SP3: variants seen among roughly 807,000 people sequenced by gnomAD.
The protein encoded by SP3 is Sp3 transcription factor.
In SP3, 10 loss-of-function variants were observed where a neutral mutation model predicts 70.3. The observed-to-expected ratio is 0.14, with a 90% CI of 0.09 to 0.24. The LOEUF is 0.24. SP3 is among the 10% of genes least tolerant of loss of function. The probability of loss-of-function intolerance (pLI) is 1.00; values close to 1 mark genes in which losing one functional copy is unlikely to be tolerated. For synonymous variants in SP3, 402 were observed against 333.5 expected, an observed-to-expected ratio of 1.21 and a Z score of -2.24; for missense variants, 825 against 914.6, an observed-to-expected ratio of 0.90 and a Z score of 1.26.
intron 4 of SP3, among the ~76,000 whole-genome samples, chr2:173,950,071 A>G (rs988781615): frequency 8.5e-5 from 13 of 152,118 alleles, no homozygotes; most frequent in African/African-American, 3.1e-4. Context: ...AACAGCATGC[A>G]TTTCTCAGTG....
rs138609504 is a variant in SP3 at position 173,946,291 on chromosome 2, A to G, written c.1639+8582T>C. 2.2e-3 allele frequency among the ~76,000 whole-genome samples: 329 copies of G among 151,882 alleles called. 2 individuals are homozygous for G. Among genetic ancestry groups the G allele is most frequent in the Middle Eastern group, 0.02 (6 of 294 alleles). On this transcript the variant is annotated intron_variant, in intron 4 of 6. Transcript: ENST00000310015. ...TTTGTGTACTTTTGAAATTTTTTAT[A>G]TTTCTAAGTTACCAATATTACTGAT...
intron 4 of SP3, among the ~76,000 whole-genome samples, chr2:173,953,251 G>A (rs1690771004): frequency 6.6e-6 from 1 of 152,222 alleles, no homozygotes; most frequent in Non-Finnish European, 1.5e-5. Context: ...TAAGACACAA[G>A]CAGTTTTATC....
chr2:173,963,617 G>C (rs925552560), intron 3 of SP3, 144 bp downstream of exon 3: 1 of 167,824 alleles, frequency 6.0e-6, no homozygotes, highest in African/African-American at 2.4e-5. Context: ...ATGCGAAAGA[G>C]CAGGAAAGGG....
At chr2:173,964,237 G>A (rs1297266124) in intron 2 of SP3, 168 bp downstream of exon 2, 3 of 499,482 alleles carry the variant, frequency 6.0e-6, no homozygotes, top group African/African-American at 4.1e-5. Flanking sequence ...GCGCGGGCGG[G>A]GTCGGAGCGT....
intron 4 of SP3, among the ~76,000 whole-genome samples, chr2:173,922,358 G>A (rs141951681): frequency 4.5e-4 from 69 of 151,776 alleles, no homozygotes; most frequent in Middle Eastern, 6.8e-3. Context: ...ATGGTAAACT[G>A]AAGGTAGAAA....
In SP3 at chr2:173,903,465, A is replaced by C. The variant is rs1490581028; in HGVS notation, c.*6476T>G. ...TTATGCTATGAAAGGTTTCAACTTTACTAAATGAATAAAGATGGAAAAAAA... is the reference window on the plus strand; with the variant it reads ...TTATGCTATGAAAGGTTTCAACTTTCCTAAATGAATAAAGATGGAAAAAAA... On this transcript the variant is annotated 3_prime_UTR_variant, in exon 7 of 7. Coordinates refer to ENST00000310015, the MANE Select transcript of SP3 (RefSeq NM_003111.5). Among the ~76,000 whole-genome samples the C allele has an allele frequency of 3.3e-5, 5 of 152,252 alleles. No individual in the cohort carries two copies. The highest frequency in any genetic ancestry group is 7.3e-5 in the Non-Finnish European group (5 of 68,050).
Position 173,955,057 on chromosome 2 carries a change from T to C in SP3, c.1455A>G (p.Gln485=), listed in dbSNP as rs753784288. ...TTTGAACAGGCGTCAAAGTTATTTG[T>C]TGGGCAGCAGTATTCTGTATTTGCA... ...QNLQIQNTAA[Q]QITLTPVQTL... The change falls in exon 4 of 7, where the codon CAA becomes CAG. Residue 485 remains glutamine, a synonymous_variant. Transcript: ENST00000310015. 4.3e-6 allele frequency: 7 copies of C among 1,614,220 alleles called. No homozygotes were observed. The highest frequency in any genetic ancestry group is 3.3e-5 in the South Asian group (3 of 91,080).
In SP3 at chr2:173,905,762, G is replaced by T. The variant is rs1472434223; in HGVS notation, c.*4179C>A. On this transcript the variant is annotated 3_prime_UTR_variant, in exon 7 of 7. Coordinates refer to ENST00000310015, the MANE Select transcript of SP3 (RefSeq NM_003111.5). ...GCCTATAATCCCAACACTTTGGGAG[G>T]CAGAGGTGGAAGGATCACTTGAGCC... Among the ~76,000 whole-genome samples the T allele has an allele frequency of 6.6e-6, 1 of 152,152 alleles. No individual in the cohort carries two copies. Among genetic ancestry groups the T allele is most frequent in the Non-Finnish European group, 1.5e-5 (1 of 68,032 alleles).
intron 3 of SP3, among the ~76,000 whole-genome samples, chr2:173,956,754 T>C (rs1476470350): frequency 6.6e-6 from 1 of 152,156 alleles, no homozygotes; most frequent in Non-Finnish European, 1.5e-5. Context: ...CAAACTCTAC[T>C]TTTTCCATGA....
chr2:173,963,452 G>C (rs78001652), intron 3 of SP3: 1 of 152,614 alleles, frequency 6.6e-6, no homozygotes, highest in Non-Finnish European at 1.5e-5. Flanking sequence ...GTAGTGTTAA[G>C]CGAAGGAGTT....
chr2:173,935,632 C>A (rs1337025467), intron 4 of SP3, among the ~76,000 whole-genome samples: 2 of 151,852 alleles, frequency 1.3e-5, no homozygotes, highest in East Asian at 3.8e-4. Flanking sequence ...AAAACATCTT[C>A]CTTTTTATAA....
chr2:173,960,503 AC>A (rs1355635147), intron 3 of SP3, among the ~76,000 whole-genome samples: 2 of 152,214 alleles, frequency 1.3e-5, no homozygotes, highest in African/African-American at 4.8e-5. Flanking sequence ...AAATAGAATT[AC>A]CCTACCCAAT....
chr2:173,918,882 G>T, intron 4 of SP3, 97 bp from the exon 5 acceptor site: 2 of 1,021,166 alleles, frequency 2.0e-6, no homozygotes, highest in Non-Finnish European at 2.8e-6. Flanking sequence ...TTACAACTTT[G>T]CATGCACTAC....
intron 4 of SP3, among the ~76,000 whole-genome samples, chr2:173,941,888 C>G (rs527252005): frequency 1.6e-4 from 25 of 152,278 alleles, no homozygotes; most frequent in African/African-American, 5.5e-4. Context: ...TTTTTTCAAG[C>G]TTGGCTTGTA....
At chr2:173,937,846 C>T (rs147048041) in intron 4 of SP3, among the ~76,000 whole-genome samples, 4 of 151,982 alleles carry the variant, frequency 2.6e-5, no homozygotes, top group East Asian at 1.9e-4. Flanking sequence ...GAAACAAATC[C>T]GAGATATAAC....
intron 4 of SP3, among the ~76,000 whole-genome samples, chr2:173,935,384 AG>A (rs1477624592): frequency 6.6e-6 from 1 of 152,238 alleles, no homozygotes; most frequent in Non-Finnish European, 1.5e-5. Flanking sequence ...GATGGAAAAT[AG>A]TAAGACAAAA....
intron 4 of SP3, among the ~76,000 whole-genome samples, chr2:173,929,674 G>C (rs967492008): frequency 6.6e-5 from 10 of 152,234 alleles, no homozygotes; most frequent in African/African-American, 1.7e-4. Context: ...TTCTAAGTCT[G>C]CTGTTCTCTG....
At position 173,909,647 on chromosome 2, in the gene SP3, C is replaced by T. The variant is rs1689422262; in HGVS notation, c.*294G>A. ...TACACTAAACCACACAGGATTGATG[C>T]ATTTGGTTAGACTACCATTCGCATT... is the stretch of plus-strand genomic sequence containing the variant. On this transcript the variant is annotated 3_prime_UTR_variant, in exon 7 of 7. Coordinates refer to ENST00000310015, the MANE Select transcript of SP3 (RefSeq NM_003111.5). 2 of 233,330 alleles carry T rather than the reference C, an allele frequency of 8.6e-6. No homozygotes were observed. Among genetic ancestry groups the T allele is most frequent in the South Asian group, 6.0e-5 (1 of 16,734 alleles). The allele number at this position is 233,330 out of a possible 1,614,324, so 14.5% of individuals were successfully genotyped here.
chr2:173,959,909 C>G (rs916304902), intron 3 of SP3, among the ~76,000 whole-genome samples: 2 of 152,232 alleles, frequency 1.3e-5, no homozygotes, highest in African/African-American at 2.4e-5. Flanking sequence ...CAGTACCTTT[C>G]TTACCGGACA....
Sources: gnomAD v4.1 joint callset for allele counts (sites outside exome capture counted in the v4.1 genomes callset) on GRCh38, gnomAD v4.1.1 for gene constraint, MANE v1.5 for transcripts, NCBI Gene and HGNC (gene_info 2026-07-23, HGNC 2026-07-21) for gene names.